CCSER2: variants seen among roughly 807,000 people sequenced by gnomAD.
CCSER2 encodes coiled-coil serine rich protein 2.
Under a neutral mutation model 92.3 loss-of-function variants are expected in CCSER2, and 46 were observed. The ratio of observed to expected loss-of-function variants is 0.50; its 90% confidence interval spans 0.39 to 0.64. The LOEUF (loss-of-function observed/expected upper bound fraction) is 0.64. Ranked by LOEUF, CCSER2 falls within the 30% of genes least tolerant of loss-of-function variation. The probability of loss-of-function intolerance (pLI) is 0.00; values close to 1 mark genes in which losing one functional copy is unlikely to be tolerated. For missense variants in CCSER2, 1,244 were observed against 1,238.9 expected, an observed-to-expected ratio of 1.00 and a Z score of -0.06; for synonymous variants, 433 against 431.4, an observed-to-expected ratio of 1.00 and a Z score of -0.04.
At chr10:84,473,877 C>T (rs1466614574) in intron 8 of CCSER2, among the ~76,000 whole-genome samples, 1 of 152,106 alleles carries the variant, frequency 6.6e-6, no homozygotes, top group African/African-American at 2.4e-5. Context: ...TCCAATTTCC[C>T]TTTCAGTTAT....
At chr10:84,372,597 T>C (rs1846124275) in intron 2 of CCSER2, 128 bp downstream of exon 2, 4 of 614,290 alleles carry the variant, frequency 6.5e-6, no homozygotes, top group East Asian at 2.9e-5. Context: ...CTAGACAAAA[T>C]TGAGGTGGGT....
chr10:84,341,406 A>G (rs915998435), intron 1 of CCSER2, among the ~76,000 whole-genome samples: 6 of 143,884 alleles, frequency 4.2e-5, no homozygotes, highest in Non-Finnish European at 7.4e-5. Flanking sequence ...GCTGGTCTCA[A>G]ACTCCTAGCC....
At chr10:84,341,040 T>C (rs1844149728) in intron 1 of CCSER2, among the ~76,000 whole-genome samples, 1 of 146,984 alleles carries the variant, frequency 6.8e-6, no homozygotes, top group African/African-American at 2.5e-5. Context: ...TGTAACACTT[T>C]TTTTTTTTTT....
At chr10:84,353,079 A>C (rs763676701) in intron 1 of CCSER2, among the ~76,000 whole-genome samples, 7 of 152,230 alleles carry the variant, frequency 4.6e-5, no homozygotes, top group Non-Finnish European at 1.0e-4. Context: ...GGCGTGAGCC[A>C]CCGCGCCCAG....
chr10:84,476,112 A>G (rs188850371), intron 8 of CCSER2, among the ~76,000 whole-genome samples: 1 of 152,300 alleles, frequency 6.6e-6, no homozygotes, highest in Non-Finnish European at 1.5e-5. Flanking sequence ...CTGGGAGTAC[A>G]GGTGTGAGCT....
rs529916915 is a variant in CCSER2, at chr10:84,386,697, C to T, written c.1614+12882C>T. Among the ~76,000 whole-genome samples, 29 of 152,330 alleles carry T rather than the reference C, an allele frequency of 1.9e-4. No homozygotes were observed. In the East Asian group the frequency reaches 5.4e-3, roughly 28 times the overall value. ...GGTGCGCTGAGATTATGTCACTGCA[C>T]TCCAGCCTGGGCAACAGAGCAAGAC... On this transcript the variant is annotated intron_variant, in intron 3 of 9. Coordinates refer to ENST00000372088, the MANE Select transcript of CCSER2 (RefSeq NM_001284240.2).
chr10:84,441,792 TGTCTCTCAGGCTGGA>T (rs1844582461), intron 6 of CCSER2, among the ~76,000 whole-genome samples: 2 of 131,820 alleles, frequency 1.5e-5, no homozygotes, highest in African/African-American at 5.8e-5. Context: ...GAAGTCTCGC[TGTCTCTCAGGCTGGA>T]GTGCAGTGGC....
chr10:84,491,813 A>G (rs1299946242), intron 9 of CCSER2, among the ~76,000 whole-genome samples: 1 of 151,760 alleles, frequency 6.6e-6, no homozygotes, highest in Non-Finnish European at 1.5e-5. Context: ...TGCAGAAATC[A>G]CCCCTCTTCT....
At chr10:84,402,149 A>G (rs1842151096) in intron 3 of CCSER2, among the ~76,000 whole-genome samples, 1 of 151,960 alleles carries the variant, frequency 6.6e-6, no homozygotes, top group African/African-American at 2.4e-5. Context: ...AAACTCTTAA[A>G]TTTTCGCATT....
At chr10:84,451,233 G>GGT (rs1191597150) in intron 6 of CCSER2, among the ~76,000 whole-genome samples, 2 of 142,636 alleles carry the variant, frequency 1.4e-5, no homozygotes, top group African/African-American at 5.1e-5. Flanking sequence ...CTATAGAAAG[G>GGT]TTTTTTTTTT....
chr10:84,398,841 T>A (rs1375545724), intron 3 of CCSER2, among the ~76,000 whole-genome samples: 1 of 152,178 alleles, frequency 6.6e-6, no homozygotes, highest in Non-Finnish European at 1.5e-5. Context: ...TATGTAGACA[T>A]ATTCACAGAG....
intron 3 of CCSER2, among the ~76,000 whole-genome samples, chr10:84,406,454 G>A (rs1305060143): frequency 6.6e-6 from 1 of 152,152 alleles, no homozygotes; most frequent in Non-Finnish European, 1.5e-5. Flanking sequence ...AGAAACATTT[G>A]TAGTGGAGGA....
intron 5 of CCSER2, among the ~76,000 whole-genome samples, chr10:84,434,227 G>T (rs914708928): frequency 1.3e-5 from 2 of 152,090 alleles, no homozygotes; most frequent in Non-Finnish European, 2.9e-5. Context: ...CCCATTCTGA[G>T]ATTTATTTTT....
chr10:84,393,710 T>C (rs17103419), intron 3 of CCSER2: 32,064 of 152,564 alleles, frequency 0.21, 3,626 homozygotes, highest in Admixed American at 0.34. Flanking sequence ...CTTGTTAACC[T>C]TTAAAAAATT....
At chr10:84,421,822 A>G (rs558414238) in intron 4 of CCSER2, among the ~76,000 whole-genome samples, 10 of 152,318 alleles carry the variant, frequency 6.6e-5, no homozygotes, top group African/African-American at 2.4e-4. Flanking sequence ...AGACCTAGGG[A>G]AAACCCTGAT....
Position 84,463,923 on chromosome 10 carries a change from T to C in CCSER2, c.2065-10T>C. 6.3e-7 allele frequency: 1 copy of C among 1,590,510 alleles called. No individual in the cohort carries two copies. The highest frequency in any genetic ancestry group is 8.6e-7 in the Non-Finnish European group (1 of 1,159,458). On this transcript the variant is annotated splice_polypyrimidine_tract_variant and intron_variant, in intron 6 of 9. Coordinates refer to ENST00000372088, the MANE Select transcript of CCSER2 (RefSeq NM_001284240.2). The stretch of plus-strand genomic sequence containing the variant: ...TTAATCTAGTGTTTTTCTTCCCTTC[T>C]TTCTGACAGCATGATGGAAGTGGTT...
chr10:84,488,665 T>C (rs1369272069), intron 9 of CCSER2, among the ~76,000 whole-genome samples: 2 of 152,150 alleles, frequency 1.3e-5, no homozygotes, highest in Non-Finnish European at 2.9e-5. Context: ...AGTATATCAA[T>C]TTTGTTGACA....
intron 1 of CCSER2, among the ~76,000 whole-genome samples, chr10:84,332,731 C>T (rs1174645914): frequency 3.3e-5 from 5 of 151,772 alleles, no homozygotes; most frequent in East Asian, 3.9e-4. Context: ...GCGGGAGAAT[C>T]GCTTGAGCCT....
chr10:84,505,617 A>AT (rs1848999371), intron 9 of CCSER2, among the ~76,000 whole-genome samples: 1 of 152,150 alleles, frequency 6.6e-6, no homozygotes, highest in Admixed American at 6.5e-5. Flanking sequence ...TACTAATTCA[A>AT]TTTCGTGTAT....
Sources: gnomAD v4.1 joint callset for allele counts (sites outside exome capture counted in the v4.1 genomes callset) on GRCh38, gnomAD v4.1.1 for gene constraint, MANE v1.5 for transcripts, NCBI Gene and HGNC (gene_info 2026-07-23, HGNC 2026-07-21) for gene names.